STK32B: variants seen among roughly 807,000 people sequenced by gnomAD.
STK32B encodes the protein serine/threonine kinase 32B.
Under a neutral mutation model 52.6 loss-of-function variants are expected in STK32B, and 43 were observed. The ratio of observed to expected loss-of-function variants is 0.82; its 90% CI spans 0.64 to 1.05. STK32B has a LOEUF of 1.05. Ranked by LOEUF, STK32B falls within the 50% of genes least tolerant of loss-of-function variation. STK32B has a pLI of 0.00. For synonymous variants in STK32B, 238 were observed against 204.3 expected, an observed-to-expected ratio of 1.17 and a Z score of -1.41; for missense variants, 621 against 534.6, an observed-to-expected ratio of 1.16 and a Z score of -1.59.
chr4:5,142,833 A>C (rs552259222), intron 2 of STK32B, among the ~76,000 whole-genome samples: 1 of 152,328 alleles, frequency 6.6e-6, no homozygotes, highest in Middle Eastern at 3.4e-3. Flanking sequence ...ATTAATGTTT[A>C]AATCAGTAGA....
At chr4:5,041,174 G>A in the STK32B span, among the ~76,000 whole-genome samples, 1 of 152,238 alleles carries the variant, frequency 6.6e-6, no homozygotes, top group Non-Finnish European at 1.5e-5. Flanking sequence ...AGGGAAATGG[G>A]TGGGTTCATG....
chr4:5,442,011 G>T (rs1714825778), intron 6 of STK32B, among the ~76,000 whole-genome samples: 1 of 113,496 alleles, frequency 8.8e-6, no homozygotes, highest in African/African-American at 3.4e-5. Flanking sequence ...GCTGAGGAGA[G>T]CTTTACTTCC....
chr4:5,165,464 C>G (rs1438974531), intron 2 of STK32B, among the ~76,000 whole-genome samples: 1 of 152,136 alleles, frequency 6.6e-6, no homozygotes, highest in Admixed American at 6.5e-5. Context: ...TCTGAAGGGA[C>G]GCAGCCCCGG....
chr4:5,307,247 A>G (rs991603506), intron 3 of STK32B, among the ~76,000 whole-genome samples: 2 of 152,026 alleles, frequency 1.3e-5, no homozygotes, highest in Non-Finnish European at 2.9e-5. Context: ...AAACTTTTAG[A>G]TTTCACTTCT....
At chr4:5,262,213 T>C (rs1188003715) in intron 3 of STK32B, among the ~76,000 whole-genome samples, 1 of 152,156 alleles carries the variant, frequency 6.6e-6, no homozygotes, top group African/African-American at 2.4e-5. Flanking sequence ...GCAGGTCCCA[T>C]TGCCTGTCTG....
chr4:5,087,347 A>G (rs1712788961), intron 1 of STK32B, among the ~76,000 whole-genome samples: 1 of 151,994 alleles, frequency 6.6e-6, no homozygotes, highest in South Asian at 2.1e-4. Flanking sequence ...ACACTATAGA[A>G]CATCTATTTA....
At chr4:5,294,870 TC>T in intron 3 of STK32B, among the ~76,000 whole-genome samples, 1 of 152,176 alleles carries the variant, frequency 6.6e-6, no homozygotes, top group Non-Finnish European at 1.5e-5. Context: ...AGGGACTACT[TC>T]CAGTTTTTGC....
intron 4 of STK32B, among the ~76,000 whole-genome samples, chr4:5,372,273 G>C (rs1238002050): frequency 1.3e-5 from 2 of 152,208 alleles, no homozygotes; most frequent in African/African-American, 4.8e-5. Context: ...TCTGACCCAT[G>C]AGTGAAGGAG....
At chr4:5,198,887 AGT>A (rs1721905024) in intron 3 of STK32B, among the ~76,000 whole-genome samples, 1 of 149,960 alleles carries the variant, frequency 6.7e-6, no homozygotes, top group Non-Finnish European at 1.5e-5. Flanking sequence ...TGCTGCGCAC[AGT>A]GTTTATACAG....
At chr4:5,045,207 C>T in the STK32B span, among the ~76,000 whole-genome samples, 297 of 152,358 alleles carry the variant, frequency 1.9e-3, 1 homozygote, top group African/African-American at 7.0e-3. Context: ...TCTGCCTGAG[C>T]GGGCTCTGTA....
At chr4:5,423,358 C>CCACTG (rs1712805079) in intron 6 of STK32B, among the ~76,000 whole-genome samples, 1 of 152,074 alleles carries the variant, frequency 6.6e-6, no homozygotes, top group Non-Finnish European at 1.5e-5. Flanking sequence ...GAAATGTTGG[C>CCACTG]CACTGAGCCA....
intron 3 of STK32B, among the ~76,000 whole-genome samples, chr4:5,265,738 A>G (rs1727018060): frequency 1.3e-5 from 2 of 152,164 alleles, no homozygotes; most frequent in East Asian, 1.9e-4. Flanking sequence ...TCTCCCTGTC[A>G]TTTTAGTCTT....
At chr4:5,131,464 T>TC (rs1195072525) in intron 1 of STK32B, among the ~76,000 whole-genome samples, 1 of 152,208 alleles carries the variant, frequency 6.6e-6, no homozygotes, top group Non-Finnish European at 1.5e-5. Flanking sequence ...GTTCTCCTCC[T>TC]CAGAACCCTG....
At chr4:5,268,496 A>G (rs754751815) in intron 3 of STK32B, among the ~76,000 whole-genome samples, 3 of 148,778 alleles carry the variant, frequency 2.0e-5, no homozygotes, top group Non-Finnish European at 3.0e-5. Flanking sequence ...GGTCACTATC[A>G]TTACCCTGAT....
At chr4:5,048,102 G>A (rs1741652562), upstream of STK32B, among the ~76,000 whole-genome samples, 1 of 151,802 alleles carries the variant, frequency 6.6e-6, no homozygotes. Flanking sequence ...CCTCCAGAAT[G>A]GTGAGGGAAT....
chr4:5,143,101 C>CTCTGTCTGTCTA (rs1553835239), intron 2 of STK32B, among the ~76,000 whole-genome samples: 1 of 135,568 alleles, frequency 7.4e-6, no homozygotes, highest in Non-Finnish European at 1.6e-5. Flanking sequence ...CTGTCTCTGT[C>CTCTGTCTGTCTA]TCTGTCTGTC....
chr4:5,193,622 C>T (rs562422719), intron 3 of STK32B, among the ~76,000 whole-genome samples: 1 of 152,348 alleles, frequency 6.6e-6, no homozygotes, highest in Admixed American at 6.5e-5. Flanking sequence ...GTGCCAATGT[C>T]CTGGCCCCTG....
chr4:5,390,988 C>T (rs1218198143), intron 4 of STK32B, among the ~76,000 whole-genome samples: 9 of 124,108 alleles, frequency 7.3e-5, no homozygotes, highest in African/African-American at 1.4e-4. Context: ...TTTTTTGAGA[C>T]GGAATCTCAC....
chr4:5,379,101 C>T (rs1397198125), intron 4 of STK32B, among the ~76,000 whole-genome samples: 1 of 152,152 alleles, frequency 6.6e-6, no homozygotes, highest in African/African-American at 2.4e-5. Flanking sequence ...TGCCCCCTCC[C>T]TACCTGTTGG....
Sources: gnomAD v4.1 joint callset for allele counts (sites outside exome capture counted in the v4.1 genomes callset) on GRCh38, gnomAD v4.1.1 for gene constraint, MANE v1.5 for transcripts, NCBI Gene and HGNC (gene_info 2026-07-23, HGNC 2026-07-21) for gene names.